The following FOXP1 variants were observed in gnomAD, a reference collection of about 807,000 sequenced individuals.
The protein encoded by FOXP1 is forkhead box protein P1.
A neutral mutation model predicts 98.2 loss-of-function variants in FOXP1; 15 were observed. The ratio of observed to expected loss-of-function variants is 0.15; its 90% CI spans 0.10 to 0.24. FOXP1 has a LOEUF of 0.24. FOXP1 is among the 10% of genes least tolerant of loss of function. The probability of loss-of-function intolerance (pLI) is 1.00; values close to 1 mark genes in which losing one functional copy is unlikely to be tolerated. For synonymous variants in FOXP1, 371 were observed against 314.5 expected (o/e 1.18, Z -1.90); for missense variants, 633 against 848.5 (o/e 0.75, Z 3.15).
At chr3:71,107,510 T>C (rs1460492947) in intron 7 of FOXP1, among the ~76,000 whole-genome samples, 1 of 152,170 alleles carries the variant, frequency 6.6e-6, no homozygotes, top group Admixed American at 6.5e-5. Context: ...AAAAGTCATG[T>C]GATAACAGTA....
intron 3 of FOXP1, among the ~76,000 whole-genome samples, chr3:71,469,930 A>G (rs1000319637): frequency 9.9e-5 from 15 of 152,206 alleles, no homozygotes; most frequent in Non-Finnish European, 2.2e-4. Context: ...TCCTGTCTGT[A>G]GGACAGAAAT....
At chr3:71,316,528 G>A (rs2075084238) in intron 4 of FOXP1, among the ~76,000 whole-genome samples, 1 of 152,126 alleles carries the variant, frequency 6.6e-6, no homozygotes, top group Non-Finnish European at 1.5e-5. Context: ...AGAGACAGAG[G>A]GGCTGGAACA....
At chr3:71,113,051 C>T (rs1384615832) in intron 6 of FOXP1, among the ~76,000 whole-genome samples, 3 of 151,856 alleles carry the variant, frequency 2.0e-5, no homozygotes, top group East Asian at 1.9e-4. Context: ...GGAAATGTAG[C>T]GACTCAAGTT....
intron 3 of FOXP1, among the ~76,000 whole-genome samples, chr3:71,432,154 A>T (rs1474311784): frequency 2.6e-5 from 4 of 152,254 alleles, no homozygotes; most frequent in African/African-American, 9.6e-5. Context: ...CCATTCCCAC[A>T]GAGCACTAAG....
Position 70,972,187 on chromosome 3 carries a change from TAGGAGCAGCAGCAAAGGA to T in FOXP1, c.1652+350_1652+367del, listed in dbSNP as rs909711472. ...GGTTGGTGCGAATGGCACCCTGGGA[TAGGAGCAGCAGCAAAGGA>T]GATGGAGTGGCAACAAAAGGAGACG... is the stretch of plus-strand genomic sequence containing the variant. On this transcript the variant is annotated intron_variant, in intron 18 of 20. Transcript: ENST00000649528. The T allele has an allele frequency of 2.4e-5, 36 of 1,518,964 alleles. No individual in the cohort carries two copies. The African/African-American group carries it at 4.3e-4, about 18-fold the overall frequency. The allele number at this position is 1,518,964 out of a possible 1,614,324, so 94.1% of individuals were successfully genotyped here.
chr3:71,039,871 T>C (rs897521927), intron 11 of FOXP1, among the ~76,000 whole-genome samples: 9 of 152,092 alleles, frequency 5.9e-5, no homozygotes, highest in African/African-American at 9.7e-5. Context: ...TTTCCCTCAA[T>C]GGCTCCAAAG....
chr3:71,505,415 CTTTTTTTTTT>C (rs66459828), intron 2 of FOXP1, among the ~76,000 whole-genome samples: 3 of 82,112 alleles, frequency 3.7e-5, no homozygotes, highest in African/African-American at 1.7e-4. Flanking sequence ...AAGAGGGATG[CTTTTTTTTTT>C]TTTTTTTTTT....
intron 5 of FOXP1, among the ~76,000 whole-genome samples, chr3:71,229,978 G>C (rs996042324): frequency 3.9e-5 from 6 of 152,068 alleles, no homozygotes; most frequent in African/African-American, 1.4e-4. Context: ...GATTATCTCA[G>C]TGGCGCTGCA....
chr3:71,406,416 T>G lies in FOXP1; in HGVS notation c.-167-47172A>C, dbSNP rs2082348621. ...TAATAACTGTATGTGTATATATATA[T>G]ATATATATGGTACAGTATGATTTTT... On this transcript the variant is annotated intron_variant, in intron 3 of 20. Transcript: ENST00000649528. Among the ~76,000 whole-genome samples, 3 of 142,424 alleles carry G rather than the reference T, an allele frequency of 2.1e-5. No individual in the cohort carries two copies. The South Asian group carries it at 6.5e-4, about 31-fold the overall frequency. The allele number at this position is 142,424 out of a possible 152,430, so 93.4% of individuals were successfully genotyped here.
chr3:71,074,319 C>T (rs150940171), intron 7 of FOXP1, among the ~76,000 whole-genome samples: 1,942 of 152,142 alleles, frequency 0.013, 37 homozygotes, highest in African/African-American at 0.042. Context: ...CTTCTGCCTC[C>T]GGGTTCAAGC....
At chr3:71,410,791 A>G (rs1395991685) in intron 3 of FOXP1, among the ~76,000 whole-genome samples, 2 of 152,340 alleles carry the variant, frequency 1.3e-5, no homozygotes, top group East Asian at 3.9e-4. Context: ...AAGACACATC[A>G]TATTTCTGTC....
intron 6 of FOXP1, among the ~76,000 whole-genome samples, chr3:71,144,554 G>C (rs528847416): frequency 6.6e-6 from 1 of 152,300 alleles, no homozygotes; most frequent in South Asian, 2.1e-4. Flanking sequence ...TGGGCAAAAG[G>C]CTGAGCGTGA....
intron 8 of FOXP1, 63 bp downstream of exon 8, chr3:71,053,573 T>G: frequency 6.2e-7 from 1 of 1,603,714 alleles, no homozygotes; most frequent in Non-Finnish European, 8.5e-7. Context: ...AGATTGCGAA[T>G]GGAGTGATGG....
intron 4 of FOXP1, among the ~76,000 whole-genome samples, chr3:71,345,142 C>T (rs571646921): frequency 1.6e-3 from 236 of 152,242 alleles, no homozygotes; most frequent in Non-Finnish European, 3.1e-3. Flanking sequence ...GTAATCCCAG[C>T]ACTTTGGGAG....
rs553422712 is a variant in FOXP1 at position 71,045,352 on chromosome 3, T to C, written c.664+1590A>G. Reference sequence around the variant, plus strand: ...ATGAGCTTGTCTTGTCACTGCCCAATTGCCCTCTTTTGGACAGCTTAACTG... The same window carrying C: ...ATGAGCTTGTCTTGTCACTGCCCAACTGCCCTCTTTTGGACAGCTTAACTG... On this transcript the variant is annotated intron_variant, in intron 10 of 20. Transcript: ENST00000649528. 9.2e-5 allele frequency among the ~76,000 whole-genome samples: 14 copies of C among 152,286 alleles called. No homozygotes were observed. In the East Asian group the frequency reaches 9.7e-4, roughly 11 times the overall value.
At chr3:71,580,262 T>G (rs899332100) in intron 2 of FOXP1, among the ~76,000 whole-genome samples, 2 of 150,852 alleles carry the variant, frequency 1.3e-5, no homozygotes, top group Admixed American at 1.3e-4. Flanking sequence ...ATGCAGCCAG[T>G]GGCAAGATGT....
intron 3 of FOXP1, among the ~76,000 whole-genome samples, chr3:71,373,992 G>C (rs952423735): frequency 2.0e-5 from 3 of 152,146 alleles, no homozygotes; most frequent in Non-Finnish European, 4.4e-5. Context: ...GACAAGTAAG[G>C]TAATTAATGT....
intron 6 of FOXP1, among the ~76,000 whole-genome samples, chr3:71,173,612 G>A (rs1310900616): frequency 6.6e-6 from 1 of 152,208 alleles, no homozygotes; most frequent in Admixed American, 6.5e-5. Flanking sequence ...ACTTTAAAGT[G>A]AGGGTGGGGG....
chr3:71,228,080 T>A (rs1453624876), intron 5 of FOXP1, among the ~76,000 whole-genome samples: 3 of 152,106 alleles, frequency 2.0e-5, no homozygotes, highest in African/African-American at 7.2e-5. Flanking sequence ...ATTATATTGC[T>A]AATTTTGAAT....
Sources: gnomAD v4.1 joint callset for allele counts (sites outside exome capture counted in the v4.1 genomes callset) on GRCh38, gnomAD v4.1.1 for gene constraint, MANE v1.5 for transcripts, NCBI Gene and HGNC (gene_info 2026-07-23, HGNC 2026-07-21) for gene names.